KCNK1: variants seen among roughly 807,000 people sequenced by gnomAD.
The protein encoded by KCNK1 is potassium two pore domain channel subfamily K member 1.
In KCNK1, 10 loss-of-function variants were observed where a neutral mutation model predicts 22.2. That is an observed-to-expected ratio of 0.45 (90% CI 0.28 to 0.76). The LOEUF is 0.76. Among genes scored for constraint, KCNK1 ranks in the 30% least tolerant of loss-of-function variants. KCNK1 has a pLI of 0.14. For synonymous variants in KCNK1, 200 were observed against 186.4 expected, an observed-to-expected ratio of 1.07 and a Z score of -0.60; for missense variants, 378 against 421.0, an observed-to-expected ratio of 0.90 and a Z score of 0.89.
intron 1 of KCNK1, among the ~76,000 whole-genome samples, chr1:233,628,361 G>A (rs1323517058): frequency 6.6e-6 from 1 of 152,190 alleles, no homozygotes; most frequent in Non-Finnish European, 1.5e-5. Flanking sequence ...TTCACTATTT[G>A]AGTGATGAGT....
chr1:233,636,568 T>C (rs1440635529), intron 1 of KCNK1: 1 of 152,264 alleles, frequency 6.6e-6, no homozygotes, highest in African/African-American at 2.4e-5. Flanking sequence ...TGGGAGGTGG[T>C]GAAAAAAATC....
chr1:233,666,885 T>C lies in KCNK1; in HGVS notation c.646T>C (p.Phe216Leu). ...GGATGACTGGAACTTCCTGGAATCC[T>C]TTTATTTTTGTTTTATTTCCCTGAG... The part of the protein sequence containing the change: ...LEDDWNFLES[F>L]YFCFISLSTI... Residue 216 changes from phenylalanine to leucine, a missense_variant, in exon 2 of 3, where the codon TTT becomes CTT. Transcript: ENST00000366621. 6.2e-7 allele frequency: 1 copy of C among 1,614,158 alleles called. No individual in the cohort carries two copies. Among genetic ancestry groups the C allele is most frequent in the Non-Finnish European group, 8.5e-7 (1 of 1,179,986 alleles).
Position 233,662,634 on chromosome 1 carries a change from G to A in KCNK1, c.356-3961G>A, listed in dbSNP as rs539919913. On this transcript the variant is annotated intron_variant, in intron 1 of 2. Transcript: ENST00000366621. ...TGTTGTAATTAGAGTAGCCAGATGG[G>A]AAGGCAAATTTAGTAGGGGACTGTC... Among the ~76,000 whole-genome samples, 11 of 152,284 alleles carry A rather than the reference G, an allele frequency of 7.2e-5. No individual in the cohort carries two copies. In the East Asian group the frequency reaches 2.1e-3, roughly 29 times the overall value.
Position 233,619,903 on chromosome 1 carries a change from C to A in KCNK1, c.355+5377C>A, listed in dbSNP as rs1657548841. ...CCAACCTGGGCAGCAGAGCGAGACT[C>A]CTCCGTCTAAGCGAGGGGGGCGGGG... is the stretch of plus-strand genomic sequence containing the variant. On this transcript the variant is annotated intron_variant, in intron 1 of 2. Coordinates refer to ENST00000366621, the MANE Select transcript of KCNK1 (RefSeq NM_002245.4). Among the ~76,000 whole-genome samples, 11 of 115,094 alleles carry A rather than the reference C, an allele frequency of 9.6e-5. No homozygotes were observed. In the South Asian group the frequency reaches 3.2e-3, roughly 34 times the overall value. 75.5% of individuals were successfully genotyped at this position (115,094 alleles called of 152,430 possible). A position where few individuals can be genotyped will look rare whatever the true frequency, so the allele number is the denominator to read the frequency against.
At position 233,666,868 on chromosome 1, in the gene KCNK1, G is replaced by T; in HGVS notation, c.629G>T (p.Trp210Leu). 6.2e-7 allele frequency: 1 copy of T among 1,614,122 alleles called. No individual in the cohort carries two copies. The highest frequency in any genetic ancestry group is 8.5e-7 in the Non-Finnish European group (1 of 1,180,016). Residue 210 changes from tryptophan to leucine, a missense_variant, in exon 2 of 3, where the codon TGG becomes TTG. Trp to Leu is a moderately conservative substitution (Grantham distance 61, BLOSUM62 -2). Transcript: ENST00000366621. ...AAVFSVLEDD[W>L]NFLESFYFCF... Reference sequence around the variant, plus strand: ...GTCTTCTCAGTCCTGGAGGATGACTGGAACTTCCTGGAATCCTTTTATTTT... The same window carrying T: ...GTCTTCTCAGTCCTGGAGGATGACTTGAACTTCCTGGAATCCTTTTATTTT...
At chr1:233,627,476 C>G (rs1239479801) in intron 1 of KCNK1, among the ~76,000 whole-genome samples, 1 of 142,278 alleles carries the variant, frequency 7.0e-6, no homozygotes, top group Non-Finnish European at 1.6e-5. Flanking sequence ...CAGACTGACT[C>G]AGAAATTCTG....
chr1:233,670,608 T>C (rs1221809165), intron 2 of KCNK1, among the ~76,000 whole-genome samples: 1 of 152,058 alleles, frequency 6.6e-6, no homozygotes, highest in East Asian at 1.9e-4. Context: ...AGTCCTCTTT[T>C]TAAAACCATC....
chr1:233,629,548 T>TCTGGCA (rs1456301268), intron 1 of KCNK1: 7 of 152,232 alleles, frequency 4.6e-5, no homozygotes, highest in African/African-American at 1.7e-4. Context: ...GGGAAGCAGA[T>TCTGGCA]CTGGCACTTG....
At chr1:233,646,961 G>A (rs1658110979) in intron 1 of KCNK1, among the ~76,000 whole-genome samples, 1 of 152,168 alleles carries the variant, frequency 6.6e-6, no homozygotes, top group African/African-American at 2.4e-5. Flanking sequence ...TGAGCCTATA[G>A]ATCTTCCCAC....
At chr1:233,649,326 T>C (rs1021636314) in intron 1 of KCNK1, among the ~76,000 whole-genome samples, 2 of 152,164 alleles carry the variant, frequency 1.3e-5, no homozygotes, top group African/African-American at 4.8e-5. Context: ...TTCATAAGCA[T>C]GAGGAGTGCT....
chr1:233,643,897 G>A (rs977691131), intron 1 of KCNK1, among the ~76,000 whole-genome samples: 4 of 152,062 alleles, frequency 2.6e-5, no homozygotes, highest in African/African-American at 9.7e-5. Flanking sequence ...AAAATTACCC[G>A]GGGTCCCACA....
chr1:233,654,334 T>C (rs1658251827), intron 1 of KCNK1, among the ~76,000 whole-genome samples: 1 of 152,174 alleles, frequency 6.6e-6, no homozygotes, highest in Non-Finnish European at 1.5e-5. Context: ...TCAGCACATA[T>C]ATCCCAGAAC....
Position 233,633,299 on chromosome 1 carries a change from A to G in KCNK1, c.355+18773A>G, listed in dbSNP as rs78034522. Among the ~76,000 whole-genome samples the G allele has an allele frequency of 5.3e-3, 804 of 151,788 alleles. 4 individuals are homozygous for G. Among genetic ancestry groups the G allele is most frequent in the African/African-American group, 0.019 (768 of 41,334 alleles). Reference sequence around the variant, plus strand: ...AAACAAACAAAAAAAACCACACCACATTTTTAGAAGAAAGCTCCATTGGAG... The same window carrying G: ...AAACAAACAAAAAAAACCACACCACGTTTTTAGAAGAAAGCTCCATTGGAG... On this transcript the variant is annotated intron_variant, in intron 1 of 2. Coordinates refer to ENST00000366621, the MANE Select transcript of KCNK1 (RefSeq NM_002245.4).
intron 1 of KCNK1, among the ~76,000 whole-genome samples, chr1:233,647,549 G>A (rs1247532829): frequency 2.0e-5 from 3 of 152,100 alleles, no homozygotes; most frequent in Middle Eastern, 3.2e-3. Context: ...CCTGCTCATC[G>A]TCTGTTCAGT....
intron 1 of KCNK1, among the ~76,000 whole-genome samples, chr1:233,636,181 T>G (rs958315510): frequency 1.3e-5 from 2 of 152,092 alleles, no homozygotes; most frequent in Admixed American, 1.3e-4. Flanking sequence ...GGATGTTAGG[T>G]TTTGTTGTAA....
chr1:233,653,941 T>C (rs898700967), intron 1 of KCNK1, among the ~76,000 whole-genome samples: 2 of 151,994 alleles, frequency 1.3e-5, no homozygotes, highest in Non-Finnish European at 2.9e-5. Flanking sequence ...AAATGGGTAA[T>C]GGGTAGAAAC....
At chr1:233,628,156 G>C (rs770656292) in intron 1 of KCNK1, among the ~76,000 whole-genome samples, 1 of 152,164 alleles carries the variant, frequency 6.6e-6, no homozygotes, top group African/African-American at 2.4e-5. Flanking sequence ...GCCATCTCAC[G>C]GGAGCATTCC....
At chr1:233,642,613 G>T (rs1439526390) in intron 1 of KCNK1, among the ~76,000 whole-genome samples, 2 of 152,226 alleles carry the variant, frequency 1.3e-5, no homozygotes, top group Non-Finnish European at 2.9e-5. Context: ...GAGGGACACT[G>T]AGAGGACCTG....
At chr1:233,651,178 A>G (rs1260780422) in intron 1 of KCNK1, among the ~76,000 whole-genome samples, 2 of 152,208 alleles carry the variant, frequency 1.3e-5, no homozygotes, top group African/African-American at 2.4e-5. Context: ...TCTGTCTTCC[A>G]TTGGGTAAAG....
Sources: allele counts gnomAD v4.1 joint callset (sites outside exome capture counted in the v4.1 genomes callset), GRCh38; gene constraint gnomAD v4.1.1; transcripts MANE v1.5; gene names NCBI Gene and HGNC (gene_info 2026-07-23, HGNC 2026-07-21).